Variants in TRIM33 observed in about 807,000 individuals in gnomAD.
The protein encoded by TRIM33 is tripartite motif containing 33.
Under a neutral mutation model 125.4 loss-of-function variants are expected in TRIM33, and 20 were observed. The ratio of observed to expected loss-of-function variants is 0.16; its 90% CI spans 0.11 to 0.23. The LOEUF (loss-of-function observed/expected upper bound fraction) is 0.23, where lower values mean the gene tolerates loss of function less well. Among genes scored for constraint, TRIM33 ranks in the 10% least tolerant of loss-of-function variants. The probability of loss-of-function intolerance (pLI) is 1.00; values close to 1 mark genes in which losing one functional copy is unlikely to be tolerated. For missense variants in TRIM33, 920 were observed against 1,411.4 expected (o/e 0.65, Z 5.58); for synonymous variants, 564 against 513.9 (o/e 1.10, Z -1.32).
chr1:114,467,833 A>G (rs1011432742), intron 1 of TRIM33, among the ~76,000 whole-genome samples: 4 of 152,306 alleles, frequency 2.6e-5, no homozygotes, highest in East Asian at 3.9e-4. Context: ...TCTCTTTCCA[A>G]TATTCTCAAG....
At chr1:114,411,981 T>C (rs1652619477) in intron 11 of TRIM33, among the ~76,000 whole-genome samples, 1 of 151,956 alleles carries the variant, frequency 6.6e-6, no homozygotes, top group South Asian at 2.1e-4. Context: ...AATAGGAAAA[T>C]GAGCAAAGAT....
At position 114,397,923 on chromosome 1, in the gene TRIM33, T is replaced by C; in HGVS notation, c.3171+17A>G. The C allele has an allele frequency of 1.2e-6, 2 of 1,613,956 alleles. No individual in the cohort carries two copies. Among genetic ancestry groups the C allele is most frequent in the Non-Finnish European group, 1.7e-6 (2 of 1,179,920 alleles). ...TGCATATTCCTTCACCAAGTTTGCA[T>C]GGTCTGAAAAGCTTACCTTCAAATT... On this transcript the variant is annotated intron_variant, in intron 19 of 19. Transcript: ENST00000358465.
chr1:114,414,048 C>T (rs918005848), intron 11 of TRIM33, among the ~76,000 whole-genome samples: 4 of 151,332 alleles, frequency 2.6e-5, no homozygotes, highest in African/African-American at 4.9e-5. Flanking sequence ...CACACACACA[C>T]ACACACACAC....
chr1:114,509,425 A>C (rs1229615601), intron 1 of TRIM33, among the ~76,000 whole-genome samples: 1 of 152,224 alleles, frequency 6.6e-6, no homozygotes, highest in South Asian at 2.1e-4. Context: ...TGTTTGATAG[A>C]GTTAACTCAG....
intron 4 of TRIM33, among the ~76,000 whole-genome samples, chr1:114,461,996 T>C (rs1488954591): frequency 6.6e-6 from 1 of 152,192 alleles, no homozygotes; most frequent in Non-Finnish European, 1.5e-5. Context: ...ATATTCTCTA[T>C]ACCCTATGGA....
chr1:114,398,648 G>A (rs1040573642), intron 18 of TRIM33, among the ~76,000 whole-genome samples: 4 of 151,932 alleles, frequency 2.6e-5, no homozygotes, highest in Middle Eastern at 3.4e-3. Context: ...ATAGGAATAC[G>A]TTACAGGATC....
At chr1:114,411,225 T>TA (rs1020421534) in intron 11 of TRIM33, among the ~76,000 whole-genome samples, 1 of 151,828 alleles carries the variant, frequency 6.6e-6, no homozygotes, top group Non-Finnish European at 1.5e-5. Flanking sequence ...GTTTTTTTTT[T>TA]ATAGAGATGG....
intron 1 of TRIM33, among the ~76,000 whole-genome samples, chr1:114,509,747 T>C (rs1235449064): frequency 6.6e-6 from 1 of 152,222 alleles, no homozygotes; most frequent in Non-Finnish European, 1.5e-5. Flanking sequence ...ACCATTGTAC[T>C]GAGGACTCAC....
chr1:114,441,472 A>G (rs1235638520), intron 4 of TRIM33, among the ~76,000 whole-genome samples: 2 of 152,230 alleles, frequency 1.3e-5, no homozygotes, highest in Non-Finnish European at 2.9e-5. Flanking sequence ...GATGTGATAG[A>G]GAGGACGTTA....
chr1:114,445,198 G>C (rs1648900398), intron 4 of TRIM33, among the ~76,000 whole-genome samples: 1 of 152,116 alleles, frequency 6.6e-6, no homozygotes. Flanking sequence ...AAATCAAATA[G>C]TCTAACATAC....
At chr1:114,473,706 A>T (rs535993594) in intron 1 of TRIM33, among the ~76,000 whole-genome samples, 2 of 152,294 alleles carry the variant, frequency 1.3e-5, no homozygotes, top group South Asian at 4.1e-4. Context: ...TGATTCTTTG[A>T]AGAGAAATTT....
chr1:114,420,122 C>T (rs903514526), intron 11 of TRIM33, among the ~76,000 whole-genome samples: 19 of 152,144 alleles, frequency 1.2e-4, no homozygotes, highest in African/African-American at 2.9e-4. Flanking sequence ...ATTATATTTA[C>T]GTTTTAAAAG....
In TRIM33 at chr1:114,477,347, GA is replaced by G. The variant is rs906576750; in HGVS notation, c.527-12960del. 7.0e-4 allele frequency among the ~76,000 whole-genome samples: 94 copies of G among 134,138 alleles called. 1 individual carries two copies. In the South Asian group the frequency reaches 8.5e-3, roughly 12 times the overall value. The allele number at this position is 134,138 out of a possible 152,430, so 88.0% of individuals were successfully genotyped here. On this transcript the variant is annotated intron_variant, in intron 1 of 19. Transcript: ENST00000358465. ...ATTTAAAGCTAGCAAAACCTTAAAG[GA>G]AAAAAAAAAAACAAAAACACTTCTC...
intron 4 of TRIM33, among the ~76,000 whole-genome samples, chr1:114,438,554 T>G (rs1052934836): frequency 6.6e-6 from 1 of 152,230 alleles, no homozygotes; most frequent in Non-Finnish European, 1.5e-5. Flanking sequence ...TACTACATTT[T>G]CAGGCACTGG....
At chr1:114,458,170 C>T (rs1649736213) in intron 4 of TRIM33, among the ~76,000 whole-genome samples, 1 of 152,118 alleles carries the variant, frequency 6.6e-6, no homozygotes, top group African/African-American at 2.4e-5. Context: ...ACTGAAACCA[C>T]CTTTGTAAAG....
At chr1:114,452,310 A>C (rs1470038906) in intron 4 of TRIM33, among the ~76,000 whole-genome samples, 2 of 152,088 alleles carry the variant, frequency 1.3e-5, no homozygotes, top group Non-Finnish European at 2.9e-5. Context: ...AAATACAAAA[A>C]GTAGCTGGGC....
chr1:114,508,983 C>T (rs544736514), intron 1 of TRIM33, among the ~76,000 whole-genome samples: 1 of 152,302 alleles, frequency 6.6e-6, no homozygotes, highest in East Asian at 1.9e-4. Context: ...TTCCCCCAAA[C>T]CAAAATGCTT....
intron 4 of TRIM33, among the ~76,000 whole-genome samples, chr1:114,449,184 G>GT (rs1649170288): frequency 1.3e-5 from 2 of 151,798 alleles, no homozygotes; most frequent in South Asian, 4.2e-4. Flanking sequence ...GTAAAAAGAC[G>GT]TATCTCATAC....
intron 1 of TRIM33, among the ~76,000 whole-genome samples, chr1:114,495,456 G>A (rs1380160918): frequency 3.3e-5 from 5 of 152,052 alleles, no homozygotes; most frequent in Admixed American, 6.6e-5. Flanking sequence ...ACTTCATTCC[G>A]CAAAATAGAA....
Sources: gnomAD v4.1 joint callset for allele counts (sites outside exome capture counted in the v4.1 genomes callset) on GRCh38, gnomAD v4.1.1 for gene constraint, MANE v1.5 for transcripts, NCBI Gene and HGNC (gene_info 2026-07-23, HGNC 2026-07-21) for gene names.